Variants in FBLN7 observed in about 807,000 individuals in gnomAD.
FBLN7 encodes the protein fibulin-7.
In FBLN7, 31 loss-of-function variants were observed where a neutral mutation model predicts 44.0. The ratio of observed to expected loss-of-function variants is 0.70; its 90% CI spans 0.53 to 0.95. The LOEUF (loss-of-function observed/expected upper bound fraction) is 0.95, where lower values mean the gene tolerates loss of function less well. Among genes scored for constraint, FBLN7 ranks in the 40% least tolerant of loss-of-function variants. The pLI, the probability that FBLN7 is intolerant of heterozygous loss-of-function variation, is 0.00. For synonymous variants in FBLN7, 262 were observed against 253.4 expected (o/e 1.03, Z -0.32); for missense variants, 573 against 618.5 (o/e 0.93, Z 0.78).
the FBLN7 span, among the ~76,000 whole-genome samples, chr2:112,232,864 T>A: frequency 6.6e-6 from 1 of 152,226 alleles, no homozygotes; most frequent in African/African-American, 2.4e-5. Context: ...TAAGGGATGA[T>A]TAATTTCTAC....
chr2:112,150,416 G>A (rs922737991), intron 1 of FBLN7, among the ~76,000 whole-genome samples: 2 of 152,174 alleles, frequency 1.3e-5, no homozygotes, highest in African/African-American at 2.4e-5. Context: ...GCATCAGACT[G>A]TAGTGTAAAA....
the FBLN7 span, among the ~76,000 whole-genome samples, chr2:112,219,199 T>C: frequency 8.5e-5 from 13 of 152,134 alleles, no homozygotes; most frequent in African/African-American, 2.9e-4. Flanking sequence ...TACAAAGTGA[T>C]AGTAATCAAA....
the FBLN7 span, among the ~76,000 whole-genome samples, chr2:112,243,382 G>C: frequency 6.6e-6 from 1 of 152,180 alleles, no homozygotes; most frequent in Admixed American, 6.5e-5. Context: ...ATGTCTTCCA[G>C]GCAATGTATA....
intron 1 of FBLN7, among the ~76,000 whole-genome samples, chr2:112,145,191 A>G (rs933138440): frequency 3.9e-5 from 6 of 152,238 alleles, no homozygotes; most frequent in Non-Finnish European, 8.8e-5. Flanking sequence ...TTCCCTAATG[A>G]CTAATGACAT....
At chr2:112,184,287 C>G (rs1683139276) in intron 6 of FBLN7, among the ~76,000 whole-genome samples, 1 of 152,216 alleles carries the variant, frequency 6.6e-6, no homozygotes, top group African/African-American at 2.4e-5. Flanking sequence ...GAAGAGAGGG[C>G]AGAGGGCTCC....
At chr2:112,202,922 C>T in the FBLN7 span, among the ~76,000 whole-genome samples, 2 of 152,198 alleles carry the variant, frequency 1.3e-5, no homozygotes, top group African/African-American at 4.8e-5. Flanking sequence ...GACTCAAGAG[C>T]TCACTCTGTG....
the FBLN7 span, among the ~76,000 whole-genome samples, chr2:112,208,443 C>A: frequency 2.0e-5 from 3 of 152,078 alleles, no homozygotes; most frequent in African/African-American, 7.2e-5. Flanking sequence ...ACAAACCACA[C>A]ATAGTGGACT....
chr2:112,183,795 A>G (rs4550673), intron 6 of FBLN7, among the ~76,000 whole-genome samples: 25,685 of 152,086 alleles, frequency 0.17, 3,868 homozygotes, highest in African/African-American at 0.41. Flanking sequence ...GAACATCTTA[A>G]GTTGACAAGG....
chr2:112,142,175 G>A (rs1367299615), intron 1 of FBLN7, among the ~76,000 whole-genome samples: 1 of 152,116 alleles, frequency 6.6e-6, no homozygotes, highest in East Asian at 1.9e-4. Context: ...AGGCCCCAGG[G>A]CCTGGTGCAT....
chr2:112,160,447 C>A (rs1189497735), intron 2 of FBLN7, among the ~76,000 whole-genome samples: 1 of 152,342 alleles, frequency 6.6e-6, no homozygotes, highest in African/African-American at 2.4e-5. Flanking sequence ...CGTCTTCATA[C>A]GGACCAAACT....
At chr2:112,205,749 T>C in the FBLN7 span, among the ~76,000 whole-genome samples, 1 of 152,148 alleles carries the variant, frequency 6.6e-6, no homozygotes, top group Admixed American at 6.5e-5. Flanking sequence ...AAAATCCAGC[T>C]AGCATGAGTC....
the FBLN7 span, chr2:112,214,797 C>T: frequency 6.6e-6 from 1 of 152,194 alleles, no homozygotes; most frequent in Non-Finnish European, 1.5e-5. Context: ...GAGAGACCCA[C>T]AGGCTAGCAG....
At chr2:112,240,498 T>C in the FBLN7 span, 1 of 152,190 alleles carries the variant, frequency 6.6e-6, no homozygotes, top group South Asian at 2.1e-4. Context: ...TGCATCTGAA[T>C]CAAAATATTA....
chr2:112,231,970 GA>G, the FBLN7 span: 1 of 1,329,384 alleles, frequency 7.5e-7, no homozygotes, highest in Admixed American at 2.0e-5. Flanking sequence ...TTAAGGAAGA[GA>G]ACAATTTTAA....
chr2:112,160,487 C>G (rs1394953418), intron 2 of FBLN7, among the ~76,000 whole-genome samples: 2 of 152,238 alleles, frequency 1.3e-5, no homozygotes, highest in Non-Finnish European at 1.5e-5. Flanking sequence ...AGATCACGCA[C>G]TGCTTTTCCC....
chr2:112,180,935 A>C (rs529006576), intron 4 of FBLN7, among the ~76,000 whole-genome samples: 25 of 151,270 alleles, frequency 1.7e-4, no homozygotes, highest in African/African-American at 6.0e-4. Context: ...AAAAAAAAAA[A>C]AAAAAAAAAA....
At chr2:112,177,482 C>T (rs1682790388) in intron 4 of FBLN7, 1 of 152,232 alleles carries the variant, frequency 6.6e-6, no homozygotes, top group Admixed American at 6.5e-5. Context: ...AGGAGCATCC[C>T]TCCAATTCCT....
At chr2:112,147,741 T>G (rs1385973618) in intron 1 of FBLN7, among the ~76,000 whole-genome samples, 2 of 152,262 alleles carry the variant, frequency 1.3e-5, no homozygotes, top group Non-Finnish European at 2.9e-5. Context: ...GCTTACTCCC[T>G]TATTTTTTTG....
the FBLN7 span, among the ~76,000 whole-genome samples, chr2:112,195,038 C>A: frequency 6.6e-6 from 1 of 152,182 alleles, no homozygotes; most frequent in East Asian, 1.9e-4. Context: ...GCACTTGATT[C>A]ATGGAGAAGT....
Sources: gnomAD v4.1 joint callset for allele counts (sites outside exome capture counted in the v4.1 genomes callset) on GRCh38, gnomAD v4.1.1 for gene constraint, MANE v1.5 for transcripts, NCBI Gene and HGNC (gene_info 2026-07-23, HGNC 2026-07-21) for gene names.